The following CCSER1 variants were observed in gnomAD, a reference collection of about 807,000 sequenced individuals.
CCSER1 encodes serine-rich coiled-coil domain-containing protein 1.
Under a neutral mutation model 82.0 loss-of-function variants are expected in CCSER1, and 41 were observed. That is an observed-to-expected ratio of 0.50 (90% CI 0.39 to 0.65). The LOEUF (loss-of-function observed/expected upper bound fraction) is 0.65, where lower values mean the gene tolerates loss of function less well. Ranked by LOEUF, CCSER1 falls within the 30% of genes least tolerant of loss-of-function variation. The pLI is 0.00. For missense variants in CCSER1, 1,119 were observed against 1,064.2 expected (o/e 1.05, Z -0.72); for synonymous variants, 414 against 383.9 (o/e 1.08, Z -0.92).
At chr4:91,344,647 G>GA (rs540662448) in intron 10 of CCSER1, among the ~76,000 whole-genome samples, 59 of 138,830 alleles carry the variant, frequency 4.2e-4, no homozygotes, top group South Asian at 1.9e-3. Context: ...GTCTACAAAG[G>GA]AAAAAAAAAA....
intron 9 of CCSER1, among the ~76,000 whole-genome samples, chr4:90,991,451 C>T (rs887415799): frequency 1.3e-5 from 2 of 151,932 alleles, no homozygotes; most frequent in African/African-American, 4.8e-5. Flanking sequence ...GGTACTTCCA[C>T]GTATCCACTT....
intron 1 of CCSER1, among the ~76,000 whole-genome samples, chr4:90,240,624 T>C (rs944423518): frequency 2.0e-5 from 3 of 152,194 alleles, no homozygotes; most frequent in African/African-American, 7.2e-5. Flanking sequence ...GACATATATT[T>C]GTGGAAAAGT....
At chr4:91,437,526 C>T (rs373134551) in intron 10 of CCSER1, among the ~76,000 whole-genome samples, 27 of 151,878 alleles carry the variant, frequency 1.8e-4, no homozygotes, top group East Asian at 3.9e-4. Flanking sequence ...GGAACAGCTC[C>T]GGTCTACAGC....
intron 10 of CCSER1, among the ~76,000 whole-genome samples, chr4:91,227,358 G>A (rs1016484623): frequency 1.3e-4 from 20 of 150,840 alleles, no homozygotes; most frequent in Non-Finnish European, 2.8e-4. Flanking sequence ...ATGACACTCA[G>A]TGATTTCTCT....
chr4:91,093,330 C>T (rs1264420304), intron 10 of CCSER1, among the ~76,000 whole-genome samples: 2 of 152,332 alleles, frequency 1.3e-5, no homozygotes, highest in African/African-American at 4.8e-5. Context: ...TCCAACACTT[C>T]CACACAGTTA....
chr4:91,572,975 G>A (rs1478517295), intron 10 of CCSER1, among the ~76,000 whole-genome samples: 1 of 152,142 alleles, frequency 6.6e-6, no homozygotes, highest in African/African-American at 2.4e-5. Context: ...CCCTCTGGGA[G>A]CTCCATCTCA....
chr4:90,318,262 C>T (rs934399507), intron 3 of CCSER1, among the ~76,000 whole-genome samples: 1 of 152,118 alleles, frequency 6.6e-6, no homozygotes, highest in Non-Finnish European at 1.5e-5. Context: ...ACTAAGTTTA[C>T]TTTTTTCCTT....
chr4:90,621,694 G>A (rs1722352947), intron 5 of CCSER1, among the ~76,000 whole-genome samples: 2 of 152,298 alleles, frequency 1.3e-5, no homozygotes, highest in South Asian at 4.1e-4. Flanking sequence ...ATGAATGGAT[G>A]ACATGTTTTT....
At chr4:90,569,367 A>G (rs989453774) in intron 5 of CCSER1, among the ~76,000 whole-genome samples, 5 of 152,166 alleles carry the variant, frequency 3.3e-5, no homozygotes, top group African/African-American at 1.2e-4. Context: ...TAAAGCTGAC[A>G]ATACTGGAAG....
chr4:90,179,215 A>G (rs916998881), intron 1 of CCSER1, among the ~76,000 whole-genome samples: 6 of 150,890 alleles, frequency 4.0e-5, no homozygotes, highest in Admixed American at 6.6e-5. Flanking sequence ...AGCTCTTGAT[A>G]TTGTGTGTTT....
intron 10 of CCSER1, among the ~76,000 whole-genome samples, chr4:91,227,225 ATATTCT>A (rs1436438719): frequency 1.1e-4 from 17 of 152,088 alleles, no homozygotes; most frequent in Middle Eastern, 3.4e-3. Context: ...TAGTTCATAA[ATATTCT>A]TATACCATAA....
chr4:90,435,380 GAA>G (rs2153569153), intron 4 of CCSER1, among the ~76,000 whole-genome samples: 1 of 152,178 alleles, frequency 6.6e-6, no homozygotes, highest in Admixed American at 6.5e-5. Context: ...AAAAGAAACA[GAA>G]GCCCTGTTTC....
intron 5 of CCSER1, among the ~76,000 whole-genome samples, chr4:90,474,768 G>T (rs1200749622): frequency 6.6e-6 from 1 of 152,188 alleles, no homozygotes; most frequent in African/African-American, 2.4e-5. Flanking sequence ...GGCATTGGGA[G>T]TGGAGAAATG....
intron 9 of CCSER1, among the ~76,000 whole-genome samples, chr4:91,046,328 A>G (rs1742484246): frequency 6.7e-6 from 1 of 149,892 alleles, no homozygotes; most frequent in Non-Finnish European, 1.5e-5. Context: ...TTTTCTATGT[A>G]TGTATAGTTT....
intron 9 of CCSER1, among the ~76,000 whole-genome samples, chr4:91,079,374 T>A (rs1477303624): frequency 6.6e-6 from 1 of 152,174 alleles, no homozygotes; most frequent in African/African-American, 2.4e-5. Flanking sequence ...AAGCAAATGC[T>A]GAGAGATTTT....
intron 10 of CCSER1, among the ~76,000 whole-genome samples, chr4:91,473,936 T>C (rs1194054051): frequency 6.6e-6 from 1 of 152,100 alleles, no homozygotes; most frequent in Non-Finnish European, 1.5e-5. Flanking sequence ...GAAAAACAAG[T>C]ATTATTCCCT....
intron 7 of CCSER1, among the ~76,000 whole-genome samples, chr4:90,778,619 A>AT (rs903855619): frequency 2.6e-4 from 39 of 151,638 alleles, no homozygotes; most frequent in Non-Finnish European, 4.7e-4. Context: ...GAGATTACAC[A>AT]TTTTTTTCTA....
chr4:91,066,320 C>A (rs1002738021), intron 9 of CCSER1, among the ~76,000 whole-genome samples: 2 of 152,172 alleles, frequency 1.3e-5, no homozygotes, highest in Admixed American at 1.3e-4. Context: ...GGCTGTGAGT[C>A]AACTGTTGCC....
At chr4:90,710,314 G>T (rs910276710) in intron 6 of CCSER1, among the ~76,000 whole-genome samples, 1 of 151,866 alleles carries the variant, frequency 6.6e-6, no homozygotes, top group South Asian at 2.1e-4. Flanking sequence ...TTTTTGCTGT[G>T]CAGCAGTTCT....
Sources: gnomAD v4.1 joint callset for allele counts (sites outside exome capture counted in the v4.1 genomes callset) on GRCh38, gnomAD v4.1.1 for gene constraint, MANE v1.5 for transcripts, NCBI Gene and HGNC (gene_info 2026-07-23, HGNC 2026-07-21) for gene names.